ADAM32: variants seen among roughly 807,000 people sequenced by gnomAD.
ADAM32 encodes ADAM metallopeptidase domain 32, also known as disintegrin and metalloproteinase domain-containing protein 32.
Under a neutral mutation model 114.9 loss-of-function variants are expected in ADAM32, and 89 were observed. The observed-to-expected ratio is 0.77, with a 90% confidence interval of 0.65 to 0.92. The LOEUF is 0.92. ADAM32 is among the 40% of genes least tolerant of loss of function. The pLI, the probability that ADAM32 is intolerant of heterozygous loss-of-function variation, is 0.00. For missense variants in ADAM32, 870 were observed against 932.8 expected, an observed-to-expected ratio of 0.93 and a Z score of 0.88; for synonymous variants, 285 against 307.5, an observed-to-expected ratio of 0.93 and a Z score of 0.77.
intron 1 of ADAM32, among the ~76,000 whole-genome samples, chr8:39,115,971 C>A (rs376731234): frequency 1.3e-5 from 2 of 152,180 alleles, no homozygotes; most frequent in Non-Finnish European, 2.9e-5. Context: ...CCAGTTATCC[C>A]GGCACCATTT....
chr8:39,148,996 T>C (rs562475307), intron 4 of ADAM32, among the ~76,000 whole-genome samples: 3 of 152,292 alleles, frequency 2.0e-5, no homozygotes, highest in South Asian at 2.1e-4. Flanking sequence ...TTCTATTTTG[T>C]AGATGTTCCA....
chr8:39,187,480 C>A (rs575361661), intron 11 of ADAM32, among the ~76,000 whole-genome samples: 2 of 152,046 alleles, frequency 1.3e-5, no homozygotes, highest in Admixed American at 1.3e-4. Context: ...ACCATGTTAG[C>A]CAGGATGGTC....
chr8:39,186,052 C>T (rs1038060717), intron 10 of ADAM32, among the ~76,000 whole-genome samples: 11 of 152,164 alleles, frequency 7.2e-5, no homozygotes, highest in African/African-American at 2.7e-4. Context: ...CATGTCAATC[C>T]ATGACTACAG....
At chr8:39,156,816 C>T (rs1804180755) in intron 6 of ADAM32, among the ~76,000 whole-genome samples, 1 of 152,188 alleles carries the variant, frequency 6.6e-6, no homozygotes, top group Non-Finnish European at 1.5e-5. Flanking sequence ...ATACCAGTTA[C>T]ATTGCATCAG....
At chr8:39,262,176 T>G (rs1812075047) in intron 19 of ADAM32, among the ~76,000 whole-genome samples, 1 of 152,128 alleles carries the variant, frequency 6.6e-6, no homozygotes, top group South Asian at 2.1e-4. Flanking sequence ...ATTTTGAATT[T>G]TATATGTAGG....
intron 20 of ADAM32, among the ~76,000 whole-genome samples, chr8:39,271,670 A>G (rs2129451346): frequency 6.6e-6 from 1 of 152,334 alleles, no homozygotes; most frequent in Non-Finnish European, 1.5e-5. Flanking sequence ...AATACAACAT[A>G]AACAGAATAA....
chr8:39,272,558 A>G (rs1280854067), intron 20 of ADAM32, among the ~76,000 whole-genome samples: 7 of 152,320 alleles, frequency 4.6e-5, no homozygotes, highest in Non-Finnish European at 1.0e-4. Flanking sequence ...GTATGTATTG[A>G]AACATAGAAA....
At chr8:39,201,840 G>C (rs1807441011) in intron 11 of ADAM32, among the ~76,000 whole-genome samples, 1 of 152,122 alleles carries the variant, frequency 6.6e-6, no homozygotes, top group African/African-American at 2.4e-5. Flanking sequence ...AGCATGAAGG[G>C]CTGTTGAATT....
chr8:39,131,363 T>C (rs960849530), intron 2 of ADAM32, among the ~76,000 whole-genome samples: 3 of 152,114 alleles, frequency 2.0e-5, no homozygotes, highest in Admixed American at 1.3e-4. Flanking sequence ...TGGTGGCACA[T>C]GCCTGTAGTC....
intron 17 of ADAM32, among the ~76,000 whole-genome samples, 151 bp downstream of exon 17, chr8:39,246,317 C>T (rs1810917147): frequency 6.6e-6 from 1 of 152,118 alleles, no homozygotes; most frequent in East Asian, 1.9e-4. Flanking sequence ...TTAAATTCAG[C>T]AGCCATAATT....
chr8:39,246,067 ATG>A lies in ADAM32; in HGVS notation c.1819-12_1819-11del. On this transcript the variant is annotated splice_polypyrimidine_tract_variant and intron_variant, in intron 16 of 24. Transcript: ENST00000379907. ...CCTCTGACATGGGAACTTTTTTTGT[ATG>A]TGTTTTTCTTTAGGTTTGTGTAAAT... 1 of 1,609,030 alleles carries A rather than the reference ATG, an allele frequency of 6.2e-7. No individual in the cohort carries two copies. The highest frequency in any genetic ancestry group is 8.5e-7 in the Non-Finnish European group (1 of 1,175,830).
At chr8:39,257,666 G>A (rs1401046727) in intron 19 of ADAM32, among the ~76,000 whole-genome samples, 1 of 152,080 alleles carries the variant, frequency 6.6e-6, no homozygotes, top group East Asian at 1.9e-4. Flanking sequence ...TATTAAAAAT[G>A]CAGATTTCAG....
intron 11 of ADAM32, among the ~76,000 whole-genome samples, chr8:39,192,355 C>T (rs772290840): frequency 7.2e-5 from 11 of 152,076 alleles, no homozygotes; most frequent in Non-Finnish European, 1.6e-4. Flanking sequence ...TTTCTGTTCT[C>T]CATTTGCTTG....
At chr8:39,138,987 T>C (rs887825500) in intron 3 of ADAM32, among the ~76,000 whole-genome samples, 1 of 152,270 alleles carries the variant, frequency 6.6e-6, no homozygotes, top group Admixed American at 6.5e-5. Context: ...GAGAATTGTC[T>C]GTTCATATCC....
chr8:39,202,169 T>C (rs966559912), intron 11 of ADAM32, among the ~76,000 whole-genome samples: 2 of 152,234 alleles, frequency 1.3e-5, no homozygotes, highest in Non-Finnish European at 2.9e-5. Context: ...ATACCCTCTT[T>C]TTCTATTGAT....
At chr8:39,140,064 G>A (rs1020587582) in intron 3 of ADAM32, among the ~76,000 whole-genome samples, 1 of 152,164 alleles carries the variant, frequency 6.6e-6, no homozygotes, top group African/African-American at 2.4e-5. Flanking sequence ...TCAGCTTAAG[G>A]AGATTTTGGG....
At chr8:39,274,409 A>G (rs1812944963) in intron 21 of ADAM32, 59 bp downstream of exon 21, 1 of 1,535,606 alleles carries the variant, frequency 6.5e-7, no homozygotes, top group Non-Finnish European at 8.9e-7. Context: ...TTTATTGATA[A>G]TTCACAATTT....
chr8:39,251,829 CT>C (rs1316228653), intron 17 of ADAM32, among the ~76,000 whole-genome samples: 1 of 151,656 alleles, frequency 6.6e-6, no homozygotes, highest in East Asian at 1.9e-4. Flanking sequence ...ACATTTTCTC[CT>C]GGTAATTTTA....
intron 1 of ADAM32, among the ~76,000 whole-genome samples, chr8:39,109,438 T>A (rs1840062482): frequency 6.6e-6 from 1 of 151,938 alleles, no homozygotes; most frequent in Non-Finnish European, 1.5e-5. Context: ...TCCCAGCTAC[T>A]CGGGAAGCTG....
Sources: allele counts gnomAD v4.1 joint callset (sites outside exome capture counted in the v4.1 genomes callset), GRCh38; gene constraint gnomAD v4.1.1; transcripts MANE v1.5; gene names NCBI Gene and HGNC (gene_info 2026-07-23, HGNC 2026-07-21).